Variants in LDB3 observed in about 807,000 individuals in gnomAD.
LDB3 encodes LIM domain-binding protein 3.
In LDB3, 49 loss-of-function variants were observed where a neutral mutation model predicts 69.0. The ratio of observed to expected loss-of-function variants is 0.71; its 90% CI spans 0.56 to 0.90. The LOEUF (loss-of-function observed/expected upper bound fraction) is 0.90. Among genes scored for constraint, LDB3 ranks in the 40% least tolerant of loss-of-function variants. LDB3 has a pLI of 0.00. For synonymous variants in LDB3, 387 were observed against 396.2 expected (o/e 0.98, Z 0.28); for missense variants, 928 against 974.1 (o/e 0.95, Z 0.63).
chr10:86,718,931 C>A, intron 12 of LDB3, 84 bp downstream of exon 12: 1 of 1,560,496 alleles, frequency 6.4e-7, no homozygotes, highest in South Asian at 1.1e-5. Context: ...CTGCCTAATC[C>A]ATTCACATCC....
intron 2 of LDB3, among the ~76,000 whole-genome samples, chr10:86,672,557 C>A (rs924426153): frequency 6.6e-6 from 1 of 152,350 alleles, no homozygotes; most frequent in Admixed American, 6.5e-5. Flanking sequence ...ACAGGCCGTG[C>A]TGTTTATAGC....
At chr10:86,732,389 A>G in intron 13 of LDB3, 1 of 383,076 alleles carries the variant, frequency 2.6e-6, no homozygotes. Context: ...GTTCTTCAGG[A>G]ATCTTAGTTT....
At chr10:86,673,652 A>G (rs374031469) in intron 2 of LDB3, among the ~76,000 whole-genome samples, 2 of 152,130 alleles carry the variant, frequency 1.3e-5, no homozygotes, top group Non-Finnish European at 2.9e-5. Context: ...CAAGACAGTA[A>G]TTTAATCATA....
At position 86,699,267 on chromosome 10, in the gene LDB3, C is replaced by G; in HGVS notation, c.896+6696C>G. 3 of 1,571,084 alleles carry G rather than the reference C, an allele frequency of 1.9e-6. No homozygotes were observed. The highest frequency in any genetic ancestry group is 8.7e-7 in the Non-Finnish European group (1 of 1,144,148). ...TCTCTCTCTCTCTCTCTCTCTCTCT[C>G]TGTGCCACAGGGAAAGGTTTGAAAC... On this transcript the variant is annotated intron_variant, in intron 7 of 13. Transcript: ENST00000361373. The surrounding 1 kb of genome is among the most constrained non-coding windows in gnomAD (Gnocchi z 4.9).
chr10:86,673,323 G>T (rs1046601541), intron 2 of LDB3, among the ~76,000 whole-genome samples: 2 of 152,206 alleles, frequency 1.3e-5, no homozygotes, highest in African/African-American at 4.8e-5. Context: ...GACACAGAAG[G>T]TCATTGATAT....
At chr10:86,710,105 G>T in intron 9 of LDB3, 55 bp downstream of exon 9, 2 of 1,598,208 alleles carry the variant, frequency 1.3e-6, no homozygotes, top group Non-Finnish European at 1.7e-6. Flanking sequence ...GGCTCCAGGA[G>T]CCACAAGAGC....
At chr10:86,710,076 C>CTG (rs1353156258) in intron 9 of LDB3, 26 bp downstream of exon 9, 1 of 1,610,104 alleles carries the variant, frequency 6.2e-7, no homozygotes, top group South Asian at 1.1e-5. Flanking sequence ...GGAGGGGAGG[C>CTG]TGTCGAAAGC....
At chr10:86,689,016 C>T (rs913372441) in intron 5 of LDB3, among the ~76,000 whole-genome samples, 2 of 150,894 alleles carry the variant, frequency 1.3e-5, no homozygotes, top group Non-Finnish European at 3.0e-5. Flanking sequence ...AACGCAGCCA[C>T]GCTGAGCTGA....
chr10:86,681,130 C>T (rs1445484988), intron 4 of LDB3, among the ~76,000 whole-genome samples: 1 of 152,212 alleles, frequency 6.6e-6, no homozygotes, highest in Non-Finnish European at 1.5e-5. Flanking sequence ...AGACACAGAA[C>T]GGGCCATCCC....
intron 2 of LDB3, among the ~76,000 whole-genome samples, chr10:86,671,194 C>T (rs533065346): frequency 6.6e-6 from 1 of 152,362 alleles, no homozygotes; most frequent in Non-Finnish European, 1.5e-5. Flanking sequence ...CTCGAGTCTG[C>T]TCACAGGACA....
chr10:86,696,310 A>C (rs911663547), intron 7 of LDB3, among the ~76,000 whole-genome samples: 1 of 149,182 alleles, frequency 6.7e-6, no homozygotes, highest in Non-Finnish European at 1.5e-5. Flanking sequence ...AGCAATGAAA[A>C]AATTACCTCT....
At chr10:86,673,034 C>G (rs1047394322) in intron 2 of LDB3, among the ~76,000 whole-genome samples, 8 of 152,194 alleles carry the variant, frequency 5.3e-5, no homozygotes, top group Admixed American at 6.5e-5. Flanking sequence ...AAAGACCCTC[C>G]TCTACACTGA....
intron 7 of LDB3, among the ~76,000 whole-genome samples, chr10:86,701,592 C>T (rs1333006078): frequency 1.3e-5 from 2 of 152,216 alleles, no homozygotes; most frequent in East Asian, 3.8e-4. Context: ...AGGGCCGATG[C>T]GGCTGTGTTC....
At chr10:86,692,352 G>T in intron 6 of LDB3, among the ~76,000 whole-genome samples, 183 bp from the exon 7 acceptor site, 1 of 152,346 alleles carries the variant, frequency 6.6e-6, no homozygotes, top group South Asian at 2.1e-4. Context: ...GCCCTCTCAG[G>T]CTACCCCCTG....
chr10:86,715,583 A>G (rs1360768825), intron 9 of LDB3, among the ~76,000 whole-genome samples: 4 of 152,132 alleles, frequency 2.6e-5, no homozygotes, highest in Non-Finnish European at 4.4e-5. Context: ...AGTCACTCAG[A>G]CACACTCTCA....
chr10:86,728,734 A>C (rs915735091), intron 13 of LDB3, among the ~76,000 whole-genome samples: 1 of 151,802 alleles, frequency 6.6e-6, no homozygotes. Context: ...GGCGCCTGCC[A>C]CCACACCTGG....
chr10:86,713,019 G>A (rs983608116), intron 9 of LDB3, among the ~76,000 whole-genome samples: 2 of 151,940 alleles, frequency 1.3e-5, no homozygotes, highest in African/African-American at 4.8e-5. Context: ...CCGAGATTGC[G>A]CCACTGCACT....
intron 12 of LDB3, among the ~76,000 whole-genome samples, chr10:86,724,646 T>TA (rs1266605682): frequency 6.6e-6 from 1 of 151,346 alleles, no homozygotes; most frequent in Non-Finnish European, 1.5e-5. Context: ...ATAAATAAAA[T>TA]AAATAGATAA....
At chr10:86,675,004 C>T (rs926626670) in intron 2 of LDB3, among the ~76,000 whole-genome samples, 4 of 152,182 alleles carry the variant, frequency 2.6e-5, no homozygotes, top group Non-Finnish European at 5.9e-5. Flanking sequence ...AGCCCCCACC[C>T]TGAGGGATGT....
Sources: gnomAD v4.1 joint callset for allele counts (sites outside exome capture counted in the v4.1 genomes callset) on GRCh38, gnomAD v4.1.1 for gene constraint, Gnocchi (gnomAD v3.1) non-coding constraint, MANE v1.5 for transcripts, NCBI Gene and HGNC (gene_info 2026-07-23, HGNC 2026-07-21) for gene names.